COQ10B: variants seen among roughly 807,000 people sequenced by gnomAD.
COQ10B encodes the protein coenzyme Q10B.
COQ10B carries 12 observed loss-of-function variants against 27.6 expected under a neutral mutation model. The ratio of observed to expected loss-of-function variants is 0.43; its 90% CI spans 0.28 to 0.70. The LOEUF is 0.70. Among genes scored for constraint, COQ10B ranks in the 30% least tolerant of loss-of-function variants. The pLI is 0.17. For missense variants in COQ10B, 278 were observed against 288.7 expected, an observed-to-expected ratio of 0.96 and a Z score of 0.27; for synonymous variants, 115 against 103.0, an observed-to-expected ratio of 1.12 and a Z score of -0.71.
chr2:197,456,502 C>G (rs1345895194), intron 1 of COQ10B, among the ~76,000 whole-genome samples: 1 of 139,006 alleles, frequency 7.2e-6, no homozygotes, highest in Non-Finnish European at 1.6e-5. Flanking sequence ...CAGTGGCTCA[C>G]GCTTGTAATC....
chr2:197,470,385 C>A (rs2085866054), intron 4 of COQ10B, among the ~76,000 whole-genome samples: 1 of 152,182 alleles, frequency 6.6e-6, no homozygotes, highest in Admixed American at 6.5e-5. Flanking sequence ...CATGCCATGA[C>A]TTTACAACCA....
intron 4 of COQ10B, 70 bp downstream of exon 4, chr2:197,470,241 G>T: frequency 1.3e-6 from 1 of 799,092 alleles, no homozygotes; most frequent in Non-Finnish European, 2.1e-6. Context: ...TCATTTTTTA[G>T]AACACAGAGG....
At chr2:197,469,290 G>A (rs1489109959) in intron 3 of COQ10B, among the ~76,000 whole-genome samples, 1 of 152,254 alleles carries the variant, frequency 6.6e-6, no homozygotes, top group South Asian at 2.1e-4. Context: ...CTGCAGCCTC[G>A]AACTCCTGGG....
At chr2:197,455,154 C>T (rs561515618) in intron 1 of COQ10B, among the ~76,000 whole-genome samples, 29 of 151,684 alleles carry the variant, frequency 1.9e-4, no homozygotes, top group African/African-American at 7.0e-4. Flanking sequence ...AATACATGAA[C>T]CTGGTACAAA....
At chr2:197,465,480 C>T (rs1396176423) in intron 3 of COQ10B, among the ~76,000 whole-genome samples, 2 of 151,932 alleles carry the variant, frequency 1.3e-5, no homozygotes, top group East Asian at 3.9e-4. Context: ...TTAGTAGAGA[C>T]GGGGTTTCTC....
intron 4 of COQ10B, among the ~76,000 whole-genome samples, chr2:197,471,713 G>A (rs1024399549): frequency 2.4e-4 from 37 of 152,070 alleles, no homozygotes; most frequent in African/African-American, 8.2e-4. Context: ...AGGCCGAGGC[G>A]GGCAGATCAC....
intron 2 of COQ10B, among the ~76,000 whole-genome samples, chr2:197,460,723 G>T (rs2085748701): frequency 6.6e-6 from 1 of 152,136 alleles, no homozygotes; most frequent in Non-Finnish European, 1.5e-5. Flanking sequence ...TCCTCATCTA[G>T]AGCCTTTGGT....
At position 197,475,267 on chromosome 2, in the gene COQ10B, C is replaced by T. The variant is rs910940305; in HGVS notation, c.*1343C>T. 37 of 152,136 alleles carry T rather than the reference C, an allele frequency of 2.4e-4. No individual in the cohort carries two copies. The highest frequency in any genetic ancestry group is 1.8e-3 in the Admixed American group (28 of 15,252). The allele number at this position is 152,136 out of a possible 1,614,324, so 9.4% of individuals were successfully genotyped here. A position where few individuals can be genotyped will look rare whatever the true frequency, so the allele number is the denominator to read the frequency against. On this transcript the variant is annotated 3_prime_UTR_variant, in exon 5 of 5. Coordinates refer to ENST00000263960, the MANE Select transcript of COQ10B (RefSeq NM_025147.5). ...ATATCTATTTCTATGAAGAAACAGA[C>T]TTTAACAAATATAAGCAAAATTCAG...
At chr2:197,466,072 A>G (rs181173930) in intron 3 of COQ10B, among the ~76,000 whole-genome samples, 4 of 152,302 alleles carry the variant, frequency 2.6e-5, no homozygotes, top group Non-Finnish European at 5.9e-5. Context: ...AGCCTGGACA[A>G]TGAGTGAAAT....
intron 2 of COQ10B, among the ~76,000 whole-genome samples, chr2:197,460,414 ACCT>A (rs1015601232): frequency 8.6e-5 from 13 of 151,632 alleles, no homozygotes; most frequent in Admixed American, 2.0e-4. Flanking sequence ...GCTGGTCTCA[ACCT>A]CCTGACCTCA....
At chr2:197,453,947 TC>T (rs1486694027) in intron 1 of COQ10B, 1 of 1,549,862 alleles carries the variant, frequency 6.5e-7, no homozygotes, top group Non-Finnish European at 8.7e-7. Flanking sequence ...TTTGGGCTCT[TC>T]CGGTCTCCTC....
In COQ10B at chr2:197,474,091, A is replaced by T; in HGVS notation, c.*167A>T. The T allele has an allele frequency of 2.4e-6, 1 of 410,682 alleles. No homozygotes were observed. The highest frequency in any genetic ancestry group is 4.2e-6 in the Non-Finnish European group (1 of 235,354). 25.4% of individuals were successfully genotyped at this position (410,682 alleles called of 1,614,324 possible). ...ACATAGAATATAGACTCACTTGTACATAGAATTATTTCTTCAAGTATAATT... is the reference window on the plus strand; with the variant it reads ...ACATAGAATATAGACTCACTTGTACTTAGAATTATTTCTTCAAGTATAATT... On this transcript the variant is annotated 3_prime_UTR_variant, in exon 5 of 5. Coordinates refer to ENST00000263960, the MANE Select transcript of COQ10B (RefSeq NM_025147.5).
rs2085740412 is a variant in COQ10B, at chr2:197,460,089, T to C, written c.254+8T>C. Reference sequence around the variant, plus strand: ...AGAGAGAAGAATTTTAGGGTTCGTATATGATAAGAATTCTACTAAAAGAGC... The same window carrying C: ...AGAGAGAAGAATTTTAGGGTTCGTACATGATAAGAATTCTACTAAAAGAGC... On this transcript the variant is annotated splice_region_variant and intron_variant, in intron 2 of 4. Coordinates refer to ENST00000263960, the MANE Select transcript of COQ10B (RefSeq NM_025147.5). The C allele has an allele frequency of 1.3e-6, 2 of 1,587,684 alleles. No individual in the cohort carries two copies. Among genetic ancestry groups the C allele is most frequent in the Non-Finnish European group, 1.7e-6 (2 of 1,160,850 alleles).
At chr2:197,459,868 T>C in intron 1 of COQ10B, 64 bp from the exon 2 acceptor site, 1 of 1,273,234 alleles carries the variant, frequency 7.9e-7, no homozygotes, top group South Asian at 1.5e-5. Flanking sequence ...TTATAGTTTC[T>C]ATAATTTGTG....
chr2:197,466,803 A>G (rs1324610340), intron 3 of COQ10B, among the ~76,000 whole-genome samples: 1 of 149,982 alleles, frequency 6.7e-6, no homozygotes, highest in Non-Finnish European at 1.5e-5. Flanking sequence ...CTCCAAAACT[A>G]TTTTTTCTTT....
intron 1 of COQ10B, among the ~76,000 whole-genome samples, chr2:197,455,143 C>CA (rs1437584529): frequency 6.7e-6 from 1 of 149,934 alleles, no homozygotes; most frequent in Admixed American, 6.6e-5. Flanking sequence ...GGCTGGGAGG[C>CA]AATACATGAA....
intron 1 of COQ10B, among the ~76,000 whole-genome samples, chr2:197,456,264 G>C (rs1221381798): frequency 6.6e-6 from 1 of 151,906 alleles, no homozygotes; most frequent in Non-Finnish European, 1.5e-5. Flanking sequence ...AAGAGATCAA[G>C]ACCATCCTGG....
intron 1 of COQ10B, among the ~76,000 whole-genome samples, chr2:197,455,343 G>A (rs1375919876): frequency 1.3e-5 from 2 of 152,054 alleles, no homozygotes; most frequent in Non-Finnish European, 2.9e-5. Context: ...CAGATGAATG[G>A]TACTGGGCGC....
chr2:197,473,415 AATATAT>A lies in COQ10B; in HGVS notation c.550-320_550-315del, dbSNP rs1161758409. ...CGCCCCCCCCCACAAAAAAAAAAAA[AATATAT>A]ATATATATATATATATATATACACA... is the stretch of plus-strand genomic sequence containing the variant. On this transcript the variant is annotated intron_variant, in intron 4 of 4. Coordinates refer to ENST00000263960, the MANE Select transcript of COQ10B (RefSeq NM_025147.5). Among the ~76,000 whole-genome samples, 373 of 59,470 alleles carry A rather than the reference AATATAT, an allele frequency of 6.3e-3. 13 individuals carry two copies. The highest frequency in any genetic ancestry group is 0.026 in the African/African-American group (301 of 11,784). The allele number at this position is 59,470 out of a possible 152,430, so 39.0% of individuals were successfully genotyped here.
Sources: allele counts gnomAD v4.1 joint callset (sites outside exome capture counted in the v4.1 genomes callset), GRCh38; gene constraint gnomAD v4.1.1; transcripts MANE v1.5; gene names NCBI Gene and HGNC (gene_info 2026-07-23, HGNC 2026-07-21).